Variants in ANK3 observed in about 807,000 individuals in gnomAD.
ANK3 encodes the protein ankyrin-3.
ANK3 carries 57 observed loss-of-function variants against 370.9 expected under a neutral mutation model. The observed-to-expected ratio is 0.15, with a 90% CI of 0.12 to 0.19. The LOEUF is 0.19. Among genes scored for constraint, ANK3 ranks in the 10% least tolerant of loss-of-function variants. ANK3 has a pLI of 1.00. For missense variants in ANK3, 4,439 were observed against 5,302.1 expected (o/e 0.84, Z 5.06); for synonymous variants, 1,929 against 1,946.3 (o/e 0.99, Z 0.23).
At chr10:60,353,882 T>C (rs547290304) in intron 1 of ANK3, among the ~76,000 whole-genome samples, 2 of 152,364 alleles carry the variant, frequency 1.3e-5, no homozygotes, top group Admixed American at 1.3e-4. Context: ...TCCCCAGTAG[T>C]TGTCAGCAGG....
At chr10:60,605,412 C>CA (rs1418157874) in intron 2 of ANK3, among the ~76,000 whole-genome samples, 2 of 151,720 alleles carry the variant, frequency 1.3e-5, no homozygotes, top group Non-Finnish European at 2.9e-5. Flanking sequence ...GGCAACATGA[C>CA]AAAATCCCAT....
intron 23 of ANK3, among the ~76,000 whole-genome samples, chr10:60,157,886 A>AAGAGAGAG (rs59965251): frequency 0.01 from 1,372 of 132,798 alleles, 18 homozygotes; most frequent in East Asian, 0.066. Flanking sequence ...GAGAGAGAAA[A>AAGAGAGAG]AGAGAGAGAG....
chr10:60,324,861 A>C (rs1171217415), intron 1 of ANK3, among the ~76,000 whole-genome samples: 1 of 152,172 alleles, frequency 6.6e-6, no homozygotes, highest in Non-Finnish European at 1.5e-5. Context: ...AATAGCATAT[A>C]GTAGTTGTTT....
intron 1 of ANK3, among the ~76,000 whole-genome samples, chr10:60,660,938 C>A (rs151153091): frequency 1.4e-5 from 2 of 143,962 alleles, no homozygotes; most frequent in African/African-American, 5.3e-5. Context: ...ACACACACCC[C>A]ACATCTATAA....
In ANK3 at chr10:60,677,781, A is replaced by AC. The variant is rs1303782879; in HGVS notation, c.57+55481dup. Among the ~76,000 whole-genome samples, 376 of 140,972 alleles carry AC rather than the reference A, an allele frequency of 2.7e-3. 1 individual carries two copies. Among genetic ancestry groups the AC allele is most frequent in the African/African-American group, 9.7e-3 (366 of 37,868 alleles). The allele number at this position is 140,972 out of a possible 152,430, so 92.5% of individuals were successfully genotyped here. On this transcript the variant is annotated intron_variant, in intron 1 of 43. Transcript: ENST00000373827. ...ATCCCAAACTAATCCTTTCTCAACT[A>AC]CCCAAAAAAAAAAAAAAAGAAAAGA... is the stretch of plus-strand genomic sequence containing the variant.
chr10:60,329,085 C>T (rs2050593775), intron 1 of ANK3, among the ~76,000 whole-genome samples: 1 of 152,116 alleles, frequency 6.6e-6, no homozygotes, highest in Non-Finnish European at 1.5e-5. Context: ...ATTCAACATC[C>T]CTTCATGCTA....
At chr10:60,432,718 G>T (rs1311610924) in intron 2 of ANK3, among the ~76,000 whole-genome samples, 2 of 152,160 alleles carry the variant, frequency 1.3e-5, no homozygotes, top group Admixed American at 6.5e-5. Context: ...TCAGGTGGAG[G>T]CCTAGGAGGA....
chr10:60,145,192 T>C (rs2094754770), intron 23 of ANK3, among the ~76,000 whole-genome samples: 1 of 152,200 alleles, frequency 6.6e-6, no homozygotes, highest in Admixed American at 6.5e-5. Context: ...TTTAAATTAA[T>C]AGTTAATAGT....
chr10:60,345,804 T>C lies in ANK3; in HGVS notation c.114+43621A>G, dbSNP rs138788991. On this transcript the variant is annotated intron_variant, in intron 1 of 43. Coordinates refer to ENST00000280772, the MANE Select transcript of ANK3 (RefSeq NM_020987.5). The stretch of plus-strand genomic sequence containing the variant: ...CTTTAAAACTGCATCTCACTTCTTT[T>C]CTGTAAATTATACTGGAGGCAGTGT... Among the ~76,000 whole-genome samples, 25 of 152,264 alleles carry C rather than the reference T, an allele frequency of 1.6e-4. No individual in the cohort carries two copies. In the East Asian group the frequency reaches 4.8e-3, roughly 29 times the overall value.
At chr10:60,183,164 G>A (rs992467100) in intron 17 of ANK3, among the ~76,000 whole-genome samples, 4 of 152,098 alleles carry the variant, frequency 2.6e-5, no homozygotes, top group African/African-American at 4.8e-5. Flanking sequence ...CTCTCTTCTC[G>A]TTTCAATAAA....
At chr10:60,300,033 C>T (rs1041776445) in intron 1 of ANK3, among the ~76,000 whole-genome samples, 2 of 152,100 alleles carry the variant, frequency 1.3e-5, no homozygotes, top group Admixed American at 6.6e-5. Context: ...CACTCCTAAT[C>T]GCCCCCTGTC....
chr10:60,288,444 A>G (rs1488925947), intron 1 of ANK3, among the ~76,000 whole-genome samples: 1 of 152,162 alleles, frequency 6.6e-6, no homozygotes, highest in Non-Finnish European at 1.5e-5. Flanking sequence ...GAAGTTCATA[A>G]AGTCAGAGAA....
chr10:60,190,493 G>T (rs2096457175), intron 16 of ANK3, among the ~76,000 whole-genome samples: 1 of 152,206 alleles, frequency 6.6e-6, no homozygotes, highest in South Asian at 2.1e-4. Context: ...AAACTTCTCT[G>T]GTAGTGTGCT....
chr10:60,088,859 T>C (rs971226390), intron 28 of ANK3, among the ~76,000 whole-genome samples: 2 of 151,722 alleles, frequency 1.3e-5, no homozygotes, highest in African/African-American at 4.9e-5. Context: ...TAAGTATTTG[T>C]AGAAAATATT....
chr10:60,181,306 T>C, intron 18 of ANK3, 23 bp downstream of exon 18: 1 of 1,605,252 alleles, frequency 6.2e-7, no homozygotes, highest in African/African-American at 1.3e-5. Flanking sequence ...TTCTTTTCCG[T>C]GTGGCAAGGG....
chr10:60,650,481 G>A (rs2078773443), intron 1 of ANK3, among the ~76,000 whole-genome samples: 1 of 151,992 alleles, frequency 6.6e-6, no homozygotes, highest in African/African-American at 2.4e-5. Flanking sequence ...ATCAAGTGCT[G>A]AATCAGTCAA....
chr10:60,333,927 A>G (rs1399277891), intron 1 of ANK3, among the ~76,000 whole-genome samples: 1 of 152,154 alleles, frequency 6.6e-6, no homozygotes, highest in Non-Finnish European at 1.5e-5. Flanking sequence ...CTGGGATACT[A>G]TTTAGTTCTA....
intron 6 of ANK3, among the ~76,000 whole-genome samples, chr10:60,263,119 T>C (rs1334424911): frequency 6.6e-6 from 1 of 152,146 alleles, no homozygotes; most frequent in Non-Finnish European, 1.5e-5. Flanking sequence ...TGCATATATA[T>C]ATATACCTCT....
intron 1 of ANK3, among the ~76,000 whole-genome samples, chr10:60,330,658 A>G (rs1171006579): frequency 2.0e-5 from 3 of 152,194 alleles, no homozygotes; most frequent in Non-Finnish European, 4.4e-5. Context: ...ACACTTTTAC[A>G]CTGTTGGGGG....
Sources: gnomAD v4.1 joint callset for allele counts (sites outside exome capture counted in the v4.1 genomes callset) on GRCh38, gnomAD v4.1.1 for gene constraint, MANE v1.5 for transcripts, NCBI Gene and HGNC (gene_info 2026-07-23, HGNC 2026-07-21) for gene names.